The following RASA3 variants were observed in gnomAD, a reference collection of about 807,000 sequenced individuals.
RASA3 encodes ras GTPase-activating protein 3.
In RASA3, 73 loss-of-function variants were observed where a neutral mutation model predicts 110.0. That is an observed-to-expected ratio of 0.66 (90% CI 0.55 to 0.81). The LOEUF is 0.81. Among genes scored for constraint, RASA3 ranks in the 30% least tolerant of loss-of-function variants. RASA3 has a pLI of 0.00. For synonymous variants in RASA3, 500 were observed against 451.4 expected (o/e 1.11, Z -1.37); for missense variants, 976 against 1,113.2 (o/e 0.88, Z 1.75).
chr13:114,020,962 C>T (rs1294751339), intron 9 of RASA3, among the ~76,000 whole-genome samples: 6 of 152,130 alleles, frequency 3.9e-5, no homozygotes, highest in South Asian at 2.1e-4. Flanking sequence ...GAGCTGCTCG[C>T]GGCTCAGGGC....
At position 114,027,391 on chromosome 13, in the gene RASA3, C is replaced by G; in HGVS notation, c.601G>C (p.Glu201Gln). Residue 201 changes from glutamate to glutamine, a missense_variant and splice_region_variant, in exon 7 of 24, where the codon GAG becomes CAG. By Grantham distance (29) the Glu-to-Gln change is conservative (BLOSUM62 2). Transcript: ENST00000334062. ...CGTTGACCCATGAAGATACCAACCT[C>G]AAAATAAAACACTTCATCGAACTGG... ...NPQFDEVFYFEVTRPCSYSKK... is the reference protein window; with the variant it reads ...NPQFDEVFYFQVTRPCSYSKK... 1 of 1,610,168 alleles carries G rather than the reference C, an allele frequency of 6.2e-7. No homozygotes were observed. Among genetic ancestry groups the G allele is most frequent in the Non-Finnish European group, 8.5e-7 (1 of 1,176,522 alleles).
chr13:114,014,886 C>T lies in RASA3; in HGVS notation c.1405+323G>A, dbSNP rs1191378434. 6.6e-6 allele frequency among the ~76,000 whole-genome samples: 1 copy of T among 152,062 alleles called. No individual in the cohort carries two copies. The highest frequency in any genetic ancestry group is 1.5e-5 in the Non-Finnish European group (1 of 68,000). ...CAAAGCCTGGCCACCCTTCCCGGCCCCCCCAGAGACCACTGTGGTCGTGAA... is the reference window on the plus strand; with the variant it reads ...CAAAGCCTGGCCACCCTTCCCGGCCTCCCCAGAGACCACTGTGGTCGTGAA... On this transcript the variant is annotated intron_variant, in intron 14 of 23. Transcript: ENST00000334062. This position sits in a 1 kb window ranked among gnomAD's most constrained non-coding sequence, Gnocchi z 4.5.
chr13:114,066,304 G>A (rs2079448711), intron 2 of RASA3, among the ~76,000 whole-genome samples: 1 of 152,222 alleles, frequency 6.6e-6, no homozygotes, highest in Non-Finnish European at 1.5e-5. Context: ...TGCAGCAGCT[G>A]AGACACCTCA....
rs755935403 is a variant in RASA3, at chr13:114,040,989, G to A, written c.372+11C>T. 1.5e-5 allele frequency: 24 copies of A among 1,612,816 alleles called. No individual in the cohort carries two copies. The highest frequency in any genetic ancestry group is 4.4e-5 in the South Asian group (4 of 91,054). Reference sequence around the variant, plus strand: ...GGGCTCTGGTTTCCGGGGCTGCGCCGAGAGTCTCACCTGCACTTCCGAGTC... The same window carrying A: ...GGGCTCTGGTTTCCGGGGCTGCGCCAAGAGTCTCACCTGCACTTCCGAGTC... On this transcript the variant is annotated intron_variant, in intron 4 of 23. Transcript: ENST00000334062.
At chr13:114,045,511 G>A (rs978956480) in intron 3 of RASA3, among the ~76,000 whole-genome samples, 1 of 152,138 alleles carries the variant, frequency 6.6e-6, no homozygotes, top group Non-Finnish European at 1.5e-5. Flanking sequence ...CAGGGAATGC[G>A]GCTGAAATGC....
chr13:114,110,272 C>T (rs917531219), intron 1 of RASA3, among the ~76,000 whole-genome samples: 1 of 152,212 alleles, frequency 6.6e-6, no homozygotes, highest in Non-Finnish European at 1.5e-5. Flanking sequence ...ACATGGCTGC[C>T]AGGACCAGGG....
intron 1 of RASA3, among the ~76,000 whole-genome samples, chr13:114,102,736 C>T (rs913638955): frequency 1.3e-5 from 2 of 152,168 alleles, no homozygotes; most frequent in African/African-American, 4.8e-5. Flanking sequence ...ACCCCCAGGG[C>T]GACGCTCCCG....
intron 1 of RASA3, among the ~76,000 whole-genome samples, chr13:114,074,216 C>CAGGA (rs754194578): frequency 1.3e-5 from 2 of 152,220 alleles, no homozygotes; most frequent in Non-Finnish European, 2.9e-5. Context: ...CCATCACCAC[C>CAGGA]GTCCTCTCTG....
At position 114,052,929 on chromosome 13, in the gene RASA3, G is replaced by C. The variant is rs866197065; in HGVS notation, c.174-774C>G. Among the ~76,000 whole-genome samples the C allele has an allele frequency of 2.0e-4, 25 of 123,546 alleles. No individual in the cohort carries two copies. In the South Asian group the frequency reaches 2.8e-3, roughly 14 times the overall value. 81.1% of individuals were successfully genotyped at this position (123,546 alleles called of 152,430 possible). A position where few individuals can be genotyped will look rare whatever the true frequency, so the allele number is the denominator to read the frequency against. Reference sequence around the variant, plus strand: ...TCCTGGGGGAGAGACCCCCGCTGCTGACTGTACTTAGAGTCCTCGCTCCTG... The same window carrying C: ...TCCTGGGGGAGAGACCCCCGCTGCTCACTGTACTTAGAGTCCTCGCTCCTG... On this transcript the variant is annotated intron_variant, in intron 2 of 23. Coordinates refer to ENST00000334062, the MANE Select transcript of RASA3 (RefSeq NM_007368.4).
chr13:114,017,445 T>C, intron 11 of RASA3, 94 bp from the exon 12 acceptor site: 2 of 987,146 alleles, frequency 2.0e-6, no homozygotes, highest in Admixed American at 1.7e-5. Context: ...CTGTGGGCTG[T>C]GAGGTCAGTG....
rs1220072126 is a variant in RASA3, at chr13:114,056,015, G to A, written c.174-3860C>T. ...TGGCACAAACTCCAGCAGCCGGCTT[G>A]TCAGGAAGCTGCAGCAGCTTCAGAG... is the stretch of plus-strand genomic sequence containing the variant. On this transcript the variant is annotated intron_variant, in intron 2 of 23. Coordinates refer to ENST00000334062, the MANE Select transcript of RASA3 (RefSeq NM_007368.4). The surrounding 1 kb of genome is among the most constrained non-coding windows in gnomAD (Gnocchi z 5.7). Among the ~76,000 whole-genome samples, 1 of 152,240 alleles carries A rather than the reference G, an allele frequency of 6.6e-6. No individual in the cohort carries two copies. Among genetic ancestry groups the A allele is most frequent in the Admixed American group, 6.5e-5 (1 of 15,292 alleles).
chr13:114,124,651 T>A (rs1211632609), intron 1 of RASA3, among the ~76,000 whole-genome samples: 1 of 152,222 alleles, frequency 6.6e-6, no homozygotes, highest in Non-Finnish European at 1.5e-5. Context: ...CCAAAACCTG[T>A]CAGGGGCCTC....
chr13:114,043,297 G>A (rs1421194686), intron 3 of RASA3, among the ~76,000 whole-genome samples: 1 of 152,202 alleles, frequency 6.6e-6, no homozygotes, highest in African/African-American at 2.4e-5. Context: ...AAAGGAGAGA[G>A]ACGGAATCAG....
At chr13:114,125,904 G>GT (rs1594484555) in intron 1 of RASA3, among the ~76,000 whole-genome samples, 281 of 148,370 alleles carry the variant, frequency 1.9e-3, no homozygotes, top group African/African-American at 2.6e-3. Context: ...GGCACCTGCT[G>GT]CCCAACCTCG....
intron 1 of RASA3, among the ~76,000 whole-genome samples, chr13:114,122,371 T>A (rs1399748216): frequency 1.3e-5 from 2 of 152,206 alleles, no homozygotes; most frequent in East Asian, 3.9e-4. Context: ...CCCTGGGCTC[T>A]GCATGCAGAT....
chr13:114,015,111 G>C, intron 14 of RASA3, 98 bp downstream of exon 14: 6 of 1,513,402 alleles, frequency 4.0e-6, no homozygotes, highest in Non-Finnish European at 5.4e-6. Flanking sequence ...CGCAGTTCTA[G>C]TCTAGCCAGG....
chr13:114,021,891 C>G (rs1458536910), intron 8 of RASA3, among the ~76,000 whole-genome samples: 1 of 151,976 alleles, frequency 6.6e-6, no homozygotes, highest in East Asian at 1.9e-4. Flanking sequence ...ACCCCAGGCT[C>G]TGTGCCAGGA....
At chr13:113,980,129 G>A (rs1455296430) in intron 23 of RASA3, among the ~76,000 whole-genome samples, 3 of 127,154 alleles carry the variant, frequency 2.4e-5, no homozygotes, top group East Asian at 2.5e-4. Flanking sequence ...CACCTCCTCT[G>A]TGTGTACCTC....
At chr13:114,090,429 G>A (rs1004681537) in intron 1 of RASA3, among the ~76,000 whole-genome samples, 2 of 152,164 alleles carry the variant, frequency 1.3e-5, no homozygotes, top group South Asian at 4.1e-4. Flanking sequence ...AATATTTTTG[G>A]TGTAAGACCA....
Sources: allele counts gnomAD v4.1 joint callset (sites outside exome capture counted in the v4.1 genomes callset), GRCh38; gene constraint gnomAD v4.1.1; non-coding constraint Gnocchi (gnomAD v3.1); transcripts MANE v1.5; gene names NCBI Gene and HGNC (gene_info 2026-07-23, HGNC 2026-07-21).